DTWD2: variants seen among roughly 807,000 people sequenced by gnomAD.
The protein encoded by DTWD2 is DTW motif tRNA-uridine aminocarboxypropyltransferase 2.
A neutral mutation model predicts 31.8 loss-of-function variants in DTWD2; 39 were observed. The observed-to-expected ratio is 1.22, with a 90% CI of 0.95 to 1.60. The LOEUF is 1.60. Among genes scored for constraint, DTWD2 ranks in the 40% most tolerant of loss-of-function variants. The probability of loss-of-function intolerance (pLI) is 0.00; values close to 1 mark genes in which losing one functional copy is unlikely to be tolerated. For missense variants in DTWD2, 515 were observed against 381.5 expected, an observed-to-expected ratio of 1.35 and a Z score of -2.92; for synonymous variants, 180 against 142.8, an observed-to-expected ratio of 1.26 and a Z score of -1.86.
intron 4 of DTWD2, among the ~76,000 whole-genome samples, chr5:118,911,143 A>C (rs1561452088): frequency 6.6e-6 from 1 of 152,230 alleles, no homozygotes. Flanking sequence ...CCAATTAATA[A>C]ATCAGCAAAT....
chr5:118,863,287 T>C (rs551574936), intron 4 of DTWD2, among the ~76,000 whole-genome samples: 1 of 152,332 alleles, frequency 6.6e-6, no homozygotes. Context: ...AGGGAATGCA[T>C]ACTGTAAATC....
At chr5:118,865,969 A>C (rs1752371380) in intron 4 of DTWD2, among the ~76,000 whole-genome samples, 1 of 151,782 alleles carries the variant, frequency 6.6e-6, no homozygotes, top group Non-Finnish European at 1.5e-5. Context: ...AATATACCAA[A>C]GGTCTAAAAG....
chr5:118,861,042 A>G (rs576693419), intron 4 of DTWD2, among the ~76,000 whole-genome samples: 8 of 152,300 alleles, frequency 5.3e-5, no homozygotes, highest in African/African-American at 1.9e-4. Flanking sequence ...ATTGCTTTAC[A>G]CTAGAATTGG....
Position 118,928,693 on chromosome 5 carries a change from A to C in DTWD2, c.441T>G (p.Gly147=). 6.3e-7 allele frequency: 1 copy of C among 1,580,866 alleles called. No homozygotes were observed. The highest frequency in any genetic ancestry group is 8.6e-7 in the Non-Finnish European group (1 of 1,164,990). ...CAGCCCCTGGATATAATATTAATGT[A>C]CCAGACTTCCGGCAAACAGTTGAAA... ...PELSTVCRKS[G]TLILYPGAEA... is the part of the protein sequence containing the mutation. Residue 147 remains glycine, a synonymous_variant, in exon 4 of 6, where the codon GGT becomes GGG. Coordinates refer to ENST00000510708, the MANE Select transcript of DTWD2 (RefSeq NM_173666.4).
intron 4 of DTWD2, among the ~76,000 whole-genome samples, chr5:118,879,337 T>A (rs1191421101): frequency 1.3e-5 from 2 of 152,142 alleles, no homozygotes; most frequent in African/African-American, 4.8e-5. Context: ...CCAACTGCGG[T>A]GGCTCATGCC....
chr5:118,938,975 T>C (rs1754114711), intron 3 of DTWD2, among the ~76,000 whole-genome samples: 1 of 152,162 alleles, frequency 6.6e-6, no homozygotes, highest in Admixed American at 6.5e-5. Context: ...AATGCTATCA[T>C]TCCTTTGCTT....
intron 4 of DTWD2, among the ~76,000 whole-genome samples, chr5:118,856,311 A>C (rs941342653): frequency 2.0e-5 from 3 of 152,170 alleles, no homozygotes; most frequent in African/African-American, 7.2e-5. Context: ...TCAGGTATTC[A>C]TCCATATTAT....
chr5:118,896,974 T>C (rs552414929), intron 4 of DTWD2, among the ~76,000 whole-genome samples: 2 of 152,206 alleles, frequency 1.3e-5, no homozygotes, highest in Admixed American at 1.3e-4. Context: ...AATCAAACCA[T>C]GACTAAACTC....
rs1753531363 is a variant in DTWD2, at chr5:118,914,510, C to T, written c.597+14027G>A. Among the ~76,000 whole-genome samples the T allele has an allele frequency of 2.0e-5, 3 of 152,128 alleles. No individual in the cohort carries two copies. The South Asian group carries it at 6.2e-4, about 32-fold the overall frequency. On this transcript the variant is annotated intron_variant, in intron 4 of 5. Transcript: ENST00000510708. ...TTTACTTATTTAAATGTTTATTGAG[C>T]ACAGGTACAACGCAAAATCCTTGAC...
At chr5:118,848,036 G>A in intron 5 of DTWD2, 54 bp downstream of exon 5, 1 of 1,433,414 alleles carries the variant, frequency 7.0e-7, no homozygotes, top group Non-Finnish European at 9.2e-7. Context: ...AATCTTCTAG[G>A]TAAAATCTAA....
intron 1 of DTWD2, among the ~76,000 whole-genome samples, chr5:118,953,777 G>T (rs1448209545): frequency 6.6e-6 from 1 of 152,174 alleles, no homozygotes; most frequent in Non-Finnish European, 1.5e-5. Flanking sequence ...GCAGAAAAGG[G>T]TCATCTAAGG....
At chr5:118,987,587 T>C (rs1755456428) in intron 1 of DTWD2, among the ~76,000 whole-genome samples, 1 of 152,230 alleles carries the variant, frequency 6.6e-6, no homozygotes, top group Non-Finnish European at 1.5e-5. Context: ...TCCCAGTTTG[T>C]AATTACATAT....
intron 4 of DTWD2, among the ~76,000 whole-genome samples, chr5:118,884,027 A>G (rs1752801166): frequency 1.3e-5 from 2 of 152,214 alleles, no homozygotes; most frequent in Non-Finnish European, 1.5e-5. Flanking sequence ...CTTTTTCTGT[A>G]GATACAATTT....
chr5:118,915,439 A>G (rs189051530), intron 4 of DTWD2, among the ~76,000 whole-genome samples: 19 of 150,938 alleles, frequency 1.3e-4, no homozygotes, highest in Non-Finnish European at 1.8e-4. Context: ...CAGTGGCGCA[A>G]TCTCGGCTCA....
chr5:118,980,423 C>A (rs1345140013), intron 1 of DTWD2, among the ~76,000 whole-genome samples: 2 of 152,160 alleles, frequency 1.3e-5, no homozygotes, highest in Non-Finnish European at 2.9e-5. Flanking sequence ...GTCTTTGGCC[C>A]AGGAATTTCA....
intron 3 of DTWD2, among the ~76,000 whole-genome samples, chr5:118,937,502 T>G (rs1754072029): frequency 6.6e-6 from 1 of 152,220 alleles, no homozygotes; most frequent in African/African-American, 2.4e-5. Context: ...CTATCACCTT[T>G]GGCCTAGTTA....
intron 4 of DTWD2, among the ~76,000 whole-genome samples, chr5:118,894,902 C>G (rs1446759028): frequency 1.3e-5 from 2 of 152,116 alleles, no homozygotes; most frequent in African/African-American, 4.8e-5. Context: ...CAGCTATTAT[C>G]ACACTGAATG....
intron 4 of DTWD2, among the ~76,000 whole-genome samples, chr5:118,866,008 GTGTGTGTGTGTC>G (rs1397948900): frequency 1.3e-4 from 20 of 150,496 alleles, no homozygotes; most frequent in Non-Finnish European, 2.1e-4. Flanking sequence ...GTGTGTGTGT[GTGTGTGTGTGTC>G]TGTGTGTGTG....
chr5:118,965,217 T>C (rs1018573185), intron 1 of DTWD2, among the ~76,000 whole-genome samples: 6 of 151,566 alleles, frequency 4.0e-5, no homozygotes, highest in Non-Finnish European at 8.8e-5. Context: ...CCGCCCCATC[T>C]GGGAAGTGAG....
Sources: allele counts gnomAD v4.1 joint callset (sites outside exome capture counted in the v4.1 genomes callset), GRCh38; gene constraint gnomAD v4.1.1; transcripts MANE v1.5; gene names NCBI Gene and HGNC (gene_info 2026-07-23, HGNC 2026-07-21).